RALGAPA1: variants seen among roughly 807,000 people sequenced by gnomAD.
RALGAPA1 encodes Ral GTPase activating protein catalytic subunit alpha 1.
RALGAPA1 carries 52 observed loss-of-function variants against 269.6 expected under a neutral mutation model. The ratio of observed to expected loss-of-function variants is 0.19; its 90% CI spans 0.15 to 0.24. The LOEUF is 0.24. RALGAPA1 is among the 10% of genes least tolerant of loss of function. RALGAPA1 has a pLI of 1.00. For missense variants in RALGAPA1, 1,917 were observed against 3,013.9 expected (o/e 0.64, Z 8.52); for synonymous variants, 817 against 1,008.3 (o/e 0.81, Z 3.60).
chr14:35,656,318 T>C (rs1370031335), intron 28 of RALGAPA1, among the ~76,000 whole-genome samples: 1 of 152,204 alleles, frequency 6.6e-6, no homozygotes, highest in Non-Finnish European at 1.5e-5. Context: ...ATGTTAAATA[T>C]TTTTCTATCT....
At chr14:35,652,455 C>T (rs569763972) in intron 30 of RALGAPA1, among the ~76,000 whole-genome samples, 74 of 152,172 alleles carry the variant, frequency 4.9e-4, no homozygotes, top group African/African-American at 1.8e-3. Context: ...TGGAGTCTCA[C>T]TCAGCCACCC....
chr14:35,674,265 A>C lies in RALGAPA1; in HGVS notation c.4832T>G (p.Leu1611Arg), dbSNP rs1416349011. The change falls in exon 24 of 42, where the codon CTT (leucine) becomes CGT (arginine). Residue 1611 changes from leucine (L) to arginine (R), a missense_variant. Physicochemically the swap from Leu to Arg is moderately radical, Grantham distance 102. Coordinates refer to ENST00000680220, the MANE Select transcript of RALGAPA1 (RefSeq NM_001346249.2). ...WQNLAKIRDN[L>R]GISTDNLTSP... The stretch of plus-strand genomic sequence containing the variant: ...GGTCAGGTTATCAGTTGAAATGCCA[A>C]GGTTATCTCTAATCTGTAATTTTCA... 1 of 1,610,394 alleles carries C rather than the reference A, an allele frequency of 6.2e-7. No homozygotes were observed. The highest frequency in any genetic ancestry group is 1.1e-5 in the South Asian group (1 of 90,416).
rs537319153 is a variant in RALGAPA1, at chr14:35,573,529, G to C, written c.7210-811C>G. 1.2e-3 allele frequency among the ~76,000 whole-genome samples: 176 copies of C among 152,210 alleles called. 1 individual carries two copies. Among genetic ancestry groups the C allele is most frequent in the Non-Finnish European group, 1.7e-3 (116 of 67,976 alleles). On this transcript the variant is annotated intron_variant, in intron 37 of 41. Coordinates refer to ENST00000680220, the MANE Select transcript of RALGAPA1 (RefSeq NM_001346249.2). Reference sequence around the variant, plus strand: ...GGAAAGGTTTAGAAGAGTAAACCTGGGATAACTGTCATCAATATTTACGCT... The same window carrying C: ...GGAAAGGTTTAGAAGAGTAAACCTGCGATAACTGTCATCAATATTTACGCT...
At chr14:35,735,252 T>C (rs943412040) in intron 12 of RALGAPA1, among the ~76,000 whole-genome samples, 4 of 152,314 alleles carry the variant, frequency 2.6e-5, no homozygotes, top group Admixed American at 2.6e-4. Flanking sequence ...ATGAAAAAGA[T>C]ACTTGCACAC....
At chr14:35,731,744 AC>A (rs1419052973) in intron 12 of RALGAPA1, among the ~76,000 whole-genome samples, 2 of 152,206 alleles carry the variant, frequency 1.3e-5, no homozygotes, top group Non-Finnish European at 2.9e-5. Context: ...ATTATGTTAA[AC>A]AACCAAATCT....
intron 1 of RALGAPA1, among the ~76,000 whole-genome samples, chr14:35,777,000 T>C (rs1032177730): frequency 1.3e-5 from 2 of 152,182 alleles, no homozygotes; most frequent in African/African-American, 4.8e-5. Flanking sequence ...TGGAAGAGAT[T>C]AGCAAATGCA....
intron 14 of RALGAPA1, among the ~76,000 whole-genome samples, chr14:35,724,309 A>G (rs2069692165): frequency 6.6e-6 from 1 of 152,166 alleles, no homozygotes; most frequent in Non-Finnish European, 1.5e-5. Context: ...ATATATGAAA[A>G]AAAACTCCAA....
At chr14:35,551,505 C>T (rs904342102) in intron 39 of RALGAPA1, among the ~76,000 whole-genome samples, 2 of 152,004 alleles carry the variant, frequency 1.3e-5, no homozygotes, top group Non-Finnish European at 2.9e-5. Context: ...GGGTAAAATG[C>T]TTCATGAAAA....
Position 35,689,350 on chromosome 14 carries a change from C to T in RALGAPA1, c.3061G>A (p.Ala1021Thr), listed in dbSNP as rs906203099. The T allele has an allele frequency of 1.8e-5, 22 of 1,231,938 alleles. No individual in the cohort carries two copies. The highest frequency in any genetic ancestry group is 1.8e-5 in the Non-Finnish European group (18 of 988,046). The allele number at this position is 1,231,938 out of a possible 1,614,324, so 76.3% of individuals were successfully genotyped here. The change falls in exon 18 of 42, where the codon GCA becomes ACA. Residue 1021 changes from alanine (A) to threonine (T), a missense_variant. Physicochemically the swap from Ala to Thr is moderately conservative, Grantham distance 58. Transcript: ENST00000680220. ...PNSAVFMSNI[A>T]PNQSDSFFRT... ...AAAAAACTGTCTGACTGGTTAGGTG[C>T]GATATTACTCATGAAGACAGCTGAG...
intron 8 of RALGAPA1, among the ~76,000 whole-genome samples, chr14:35,751,167 T>C (rs1323490412): frequency 6.6e-6 from 1 of 152,182 alleles, no homozygotes; most frequent in Non-Finnish European, 1.5e-5. Flanking sequence ...TAACCCAGGA[T>C]TTGTACACAA....
intron 17 of RALGAPA1, among the ~76,000 whole-genome samples, chr14:35,696,700 ATAAAC>A (rs1340927517): frequency 5.1e-4 from 77 of 152,180 alleles, no homozygotes; most frequent in African/African-American, 1.8e-3. Context: ...ACTTCTAACC[ATAAAC>A]TAGAGGTAGA....
In RALGAPA1 at chr14:35,738,495, A is replaced by G. The variant is rs370526155; in HGVS notation, c.1587+18T>C. On this transcript the variant is annotated intron_variant, in intron 12 of 41. Transcript: ENST00000680220. ...TAATGATTATTTTATTTTTAAAAAT[A>G]GCCATAAAGTGATCCACCTGCAAAA... is the stretch of plus-strand genomic sequence containing the variant. 448 of 1,550,316 alleles carry G rather than the reference A, an allele frequency of 2.9e-4. No homozygotes were observed. Among genetic ancestry groups the G allele is most frequent in the Non-Finnish European group, 3.7e-4 (423 of 1,154,634 alleles).
intron 2 of RALGAPA1, 26 bp downstream of exon 2, chr14:35,775,609 C>T (rs7142261): frequency 1.8e-5 from 28 of 1,545,720 alleles, no homozygotes; most frequent in East Asian, 4.8e-5. Context: ...TATTAACATA[C>T]GCCAAGATAT....
intron 39 of RALGAPA1, among the ~76,000 whole-genome samples, chr14:35,554,051 T>C (rs1344352351): frequency 6.6e-6 from 1 of 152,188 alleles, no homozygotes; most frequent in Non-Finnish European, 1.5e-5. Flanking sequence ...AGTGTTCCAA[T>C]AGTTACTTAG....
chr14:35,721,923 T>C, intron 15 of RALGAPA1, 74 bp from the exon 16 acceptor site: 2 of 1,279,580 alleles, frequency 1.6e-6, no homozygotes, highest in Non-Finnish European at 2.2e-6. Context: ...CGTGCTACCT[T>C]GCCTCAGAGT....
chr14:35,688,814 G>A lies in RALGAPA1; in HGVS notation c.3597C>T (p.Ser1199=). ...SNSSTSNTHT[S]TNSATELVKP... The stretch of plus-strand genomic sequence containing the variant: ...TTACTAGCTCTGTAGCACTATTTGT[G>A]CTGGTATGGGTGTTGCTAGTGCTGC... Residue 1199 remains serine (S), a synonymous_variant, in exon 18 of 42, where the codon AGC becomes AGT. Coordinates refer to ENST00000680220, the MANE Select transcript of RALGAPA1 (RefSeq NM_001346249.2). The A allele has an allele frequency of 7.2e-7, 1 of 1,382,500 alleles. No individual in the cohort carries two copies. The highest frequency in any genetic ancestry group is 9.3e-7 in the Non-Finnish European group (1 of 1,071,746). 85.6% of individuals were successfully genotyped at this position (1,382,500 alleles called of 1,614,324 possible). A position where few individuals can be genotyped will look rare whatever the true frequency, so the allele number is the denominator to read the frequency against.
chr14:35,540,919 G>A (rs939335524), intron 41 of RALGAPA1, among the ~76,000 whole-genome samples: 2 of 151,830 alleles, frequency 1.3e-5, no homozygotes, highest in East Asian at 3.9e-4. Flanking sequence ...TCTATGAAAT[G>A]TTTTGTGCTT....
Position 35,775,841 on chromosome 14 carries a change from GCTC to G in RALGAPA1, c.107-99_107-97del, listed in dbSNP as rs1160771319. 4.2e-6 allele frequency: 5 copies of G among 1,189,746 alleles called. No individual in the cohort carries two copies. In the African/African-American group the frequency reaches 4.8e-5, roughly 11 times the overall value. The allele number at this position is 1,189,746 out of a possible 1,614,324, so 73.7% of individuals were successfully genotyped here. On this transcript the variant is annotated intron_variant, in intron 1 of 41. Coordinates refer to ENST00000680220, the MANE Select transcript of RALGAPA1 (RefSeq NM_001346249.2). ...AAGTTTCCTTCAAAGTCAAAGAACTGCTCCTAAAATTCTATTCTATTAAAATAT... is the reference window on the plus strand; with the variant it reads ...AAGTTTCCTTCAAAGTCAAAGAACTGCTAAAATTCTATTCTATTAAAATAT...
At chr14:35,721,010 C>A (rs1443829167) in intron 16 of RALGAPA1, among the ~76,000 whole-genome samples, 1 of 152,072 alleles carries the variant, frequency 6.6e-6, no homozygotes, top group Non-Finnish European at 1.5e-5. Context: ...AGGAAAAAGC[C>A]CTCCTTATTT....
Sources: allele counts gnomAD v4.1 joint callset (sites outside exome capture counted in the v4.1 genomes callset), GRCh38; gene constraint gnomAD v4.1.1; transcripts MANE v1.5; gene names NCBI Gene and HGNC (gene_info 2026-07-23, HGNC 2026-07-21).